The following PCDHA7 variants were observed in gnomAD, a reference collection of about 807,000 sequenced individuals.
PCDHA7 encodes the protein protocadherin alpha-7.
In PCDHA7, 37 loss-of-function variants were observed where a neutral mutation model predicts 57.2. The ratio of observed to expected loss-of-function variants is 0.65; its 90% confidence interval spans 0.50 to 0.85. The LOEUF is 0.85. Ranked by LOEUF, PCDHA7 falls within the 40% of genes least tolerant of loss-of-function variation. The pLI, the probability that PCDHA7 is intolerant of heterozygous loss-of-function variation, is 0.00. For synonymous variants in PCDHA7, 553 were observed against 558.8 expected (o/e 0.99, Z 0.15); for missense variants, 1,188 against 1,241.8 (o/e 0.96, Z 0.65).
At chr5:140,977,023 G>T (rs1554238168) in intron 1 of PCDHA7, among the ~76,000 whole-genome samples, 1 of 152,148 alleles carries the variant, frequency 6.6e-6, no homozygotes, top group Non-Finnish European at 1.5e-5. Flanking sequence ...TCTGTCAAAT[G>T]AATCTAAGAA....
intron 1 of PCDHA7, chr5:140,863,366 C>T (rs1408958867): frequency 6.7e-6 from 8 of 1,190,328 alleles, no homozygotes; most frequent in African/African-American, 4.6e-5. Flanking sequence ...CGGTGCTTGG[C>T]GCAGCTCACC....
At chr5:140,919,516 A>G (rs1207061379) in intron 1 of PCDHA7, among the ~76,000 whole-genome samples, 2 of 152,078 alleles carry the variant, frequency 1.3e-5, no homozygotes. Flanking sequence ...TATATGTTTT[A>G]ATTCTCTTTT....
At chr5:140,998,095 CA>C (rs1482651958) in intron 3 of PCDHA7, among the ~76,000 whole-genome samples, 1 of 152,106 alleles carries the variant, frequency 6.6e-6, no homozygotes, top group Non-Finnish European at 1.5e-5. Flanking sequence ...AATGCTAGAG[CA>C]AACAGAGGAG....
rs557640687 is a variant in PCDHA7 at position 140,964,686 on chromosome 5, C to T, written c.2356-14263C>T. 7.2e-5 allele frequency among the ~76,000 whole-genome samples: 11 copies of T among 151,874 alleles called. No individual in the cohort carries two copies. In the East Asian group the frequency reaches 2.1e-3, roughly 29 times the overall value. On this transcript the variant is annotated intron_variant, in intron 1 of 3. Coordinates refer to ENST00000525929, the MANE Select transcript of PCDHA7 (RefSeq NM_018910.3). ...ACAGGCCAGGTCCACAATTTGTGCA[C>T]TTGAGAGATTAAGGCCTCCGAGATC...
intron 3 of PCDHA7, among the ~76,000 whole-genome samples, chr5:141,002,843 A>G (rs2098098678): frequency 6.6e-6 from 1 of 152,224 alleles, no homozygotes; most frequent in African/African-American, 2.4e-5. Context: ...AGGACTATGC[A>G]CTAGTGAGAG....
chr5:140,991,924 A>T (rs1028386420), intron 3 of PCDHA7, among the ~76,000 whole-genome samples: 1 of 152,140 alleles, frequency 6.6e-6, no homozygotes, highest in Non-Finnish European at 1.5e-5. Context: ...GTAACATAAC[A>T]TATTCACAAG....
At chr5:140,906,757 A>G (rs554698266) in intron 1 of PCDHA7, among the ~76,000 whole-genome samples, 2 of 152,346 alleles carry the variant, frequency 1.3e-5, no homozygotes, top group South Asian at 4.1e-4. Flanking sequence ...GCATGGTAAT[A>G]CTAAGAGACA....
rs1450871721 is a variant in PCDHA7, at chr5:140,999,541, C to T, written c.2504-10086C>T. 3.3e-5 allele frequency among the ~76,000 whole-genome samples: 5 copies of T among 152,150 alleles called. No individual in the cohort carries two copies. The East Asian group carries it at 9.7e-4, about 29-fold the overall frequency. On this transcript the variant is annotated intron_variant, in intron 3 of 3. Coordinates refer to ENST00000525929, the MANE Select transcript of PCDHA7 (RefSeq NM_018910.3). ...TTTGTTACCCCCTGGATATGACAGC[C>T]AATGAAGAGGGGGTATTTTGAGAAG...
In PCDHA7 at chr5:141,003,240, CAA is replaced by C. The variant is rs1287973511; in HGVS notation, c.2504-6383_2504-6382del. ...GAAAGAGGAAAGCTGGAAATTTTGC[CAA>C]AAAGATTCCTGGGCAGTGCCTAAGG... On this transcript the variant is annotated intron_variant, in intron 3 of 3. Transcript: ENST00000525929. Among the ~76,000 whole-genome samples the C allele has an allele frequency of 2.6e-5, 4 of 152,150 alleles. No individual in the cohort carries two copies. In the East Asian group the frequency reaches 7.7e-4, roughly 29 times the overall value.
chr5:141,005,814 A>G (rs947359019), intron 3 of PCDHA7, among the ~76,000 whole-genome samples: 1 of 149,766 alleles, frequency 6.7e-6, no homozygotes, highest in Non-Finnish European at 1.5e-5. Context: ...GGAGCCAGGT[A>G]TGGTGGCCTG....
At chr5:140,946,631 T>TATATGTATATAC (rs57893927) in intron 1 of PCDHA7, among the ~76,000 whole-genome samples, 2 of 131,846 alleles carry the variant, frequency 1.5e-5, no homozygotes, top group Non-Finnish European at 3.1e-5. Flanking sequence ...TATATATATA[T>TATATGTATATAC]ACAATGGAAT....
chr5:140,841,768 C>T (rs2150322349), intron 1 of PCDHA7: 2 of 1,613,936 alleles, frequency 1.2e-6, no homozygotes, highest in East Asian at 2.2e-5. Context: ...GAATGCCAGA[C>T]TCTCGGTTTC....
chr5:140,982,265 G>A lies in PCDHA7; in HGVS notation c.2415-210G>A, dbSNP rs2096974278. ...ATAAAGATAGAACATGTGTGTTCCT[G>A]GAATAGTATAGCAGGCAATAAGTAA... On this transcript the variant is annotated intron_variant, in intron 2 of 3. Transcript: ENST00000525929. 7 of 870,768 alleles carry A rather than the reference G, an allele frequency of 8.0e-6. No individual in the cohort carries two copies. In the Admixed American group the frequency reaches 1.6e-4, roughly 20 times the overall value. 53.9% of individuals were successfully genotyped at this position (870,768 alleles called of 1,614,324 possible).
rs782516369 is a variant in PCDHA7 at position 140,857,545 on chromosome 5, C to T, written c.2355+20807C>T. The T allele has an allele frequency of 1.9e-6, 3 of 1,596,810 alleles. 1 individual carries two copies. The highest frequency in any genetic ancestry group is 1.1e-5 in the South Asian group (1 of 90,486). On this transcript the variant is annotated intron_variant, in intron 1 of 3. Transcript: ENST00000525929. ...ACTCTCTGGTGGAGCGGCGGTTGGGCGAGCGCTCGCTGTCGAGCTACGTGT... is the reference window on the plus strand; with the variant it reads ...ACTCTCTGGTGGAGCGGCGGTTGGGTGAGCGCTCGCTGTCGAGCTACGTGT...
At position 140,853,954 on chromosome 5, in the gene PCDHA7, C is replaced by G. The variant is rs889937140; in HGVS notation, c.2355+17216C>G. The G allele has an allele frequency of 6.5e-5, 49 of 756,134 alleles. 3 individuals are homozygous for G. In the Middle Eastern group the frequency reaches 2.0e-3, roughly 31 times the overall value. The allele number at this position is 756,134 out of a possible 1,614,324, so 46.8% of individuals were successfully genotyped here. On this transcript the variant is annotated intron_variant, in intron 1 of 3. Coordinates refer to ENST00000525929, the MANE Select transcript of PCDHA7 (RefSeq NM_018910.3). The stretch of plus-strand genomic sequence containing the variant: ...GAGGCCAAGGTGGGAGGGTCCCTTC[C>G]TTGAGCCCAGCAGTTTGAGACCAAT...
At chr5:141,009,374 G>A (rs567366098) in intron 3 of PCDHA7, among the ~76,000 whole-genome samples, 2 of 152,334 alleles carry the variant, frequency 1.3e-5, no homozygotes, top group African/African-American at 2.4e-5. Context: ...TGGGAGGATT[G>A]ATTGAGCACA....
intron 1 of PCDHA7, chr5:140,858,289 T>G: frequency 6.3e-7 from 1 of 1,597,184 alleles, no homozygotes; most frequent in African/African-American, 1.3e-5. Context: ...GGAGCTGGTC[T>G]TACTCGCAGC....
chr5:140,961,929 G>C (rs1387333199), intron 1 of PCDHA7, among the ~76,000 whole-genome samples: 1 of 151,712 alleles, frequency 6.6e-6, no homozygotes, highest in Non-Finnish European at 1.5e-5. Context: ...TGTTGCCCAG[G>C]CTGGAGTGCA....
Position 140,834,611 on chromosome 5 carries a change from G to C in PCDHA7, c.228G>C (p.Glu76Asp). The C allele has an allele frequency of 6.2e-7, 1 of 1,614,162 alleles. No homozygotes were observed. Among genetic ancestry groups the C allele is most frequent in the Non-Finnish European group, 8.5e-7 (1 of 1,180,010 alleles). Residue 76 changes from glutamate to aspartate, a missense_variant, in exon 1 of 4, where the codon GAG becomes GAC. Physicochemically the swap from Glu to Asp is conservative, Grantham distance 45 (BLOSUM62 2). Transcript: ENST00000525929. ...GCAAATTCCGTGGGGATCTTCTGGA[G>C]GTAAATCTGCAGAATGGCATTTTGT... is the stretch of plus-strand genomic sequence containing the variant. ...AVCKFRGDLL[E>D]VNLQNGILFV...
Sources: gnomAD v4.1 joint callset for allele counts (sites outside exome capture counted in the v4.1 genomes callset) on GRCh38, gnomAD v4.1.1 for gene constraint, MANE v1.5 for transcripts, NCBI Gene and HGNC (gene_info 2026-07-23, HGNC 2026-07-21) for gene names.